Variants in FGF13 observed in about 807,000 individuals in gnomAD.
FGF13 encodes the protein fibroblast growth factor homologous factor 2.
FGF13 carries 2 observed loss-of-function variants against 19.5 expected under a neutral mutation model. That is an observed-to-expected ratio of 0.10 (90% confidence interval 0.04 to 0.32). The LOEUF is 0.32. Ranked by LOEUF, FGF13 falls within the 10% of genes least tolerant of loss-of-function variation. The pLI, the probability that FGF13 is intolerant of heterozygous loss-of-function variation, is 1.00. For missense variants in FGF13, 113 were observed against 192.7 expected, an observed-to-expected ratio of 0.59 and a Z score of 2.45; for synonymous variants, 72 against 76.9, an observed-to-expected ratio of 0.94 and a Z score of 0.33.
chrX:138,807,877 A>T (rs1340526138), intron 3 of FGF13, among the ~76,000 whole-genome samples: 2 of 112,334 alleles, frequency 1.8e-5, no homozygotes, highest in Non-Finnish European at 3.8e-5. Context: ...AATCAATTCA[A>T]CAAGAAGAGC....
At chrX:138,698,755 T>C (rs1412238068) in intron 3 of FGF13, among the ~76,000 whole-genome samples, 1 of 111,538 alleles carries the variant, frequency 9.0e-6, no homozygotes, top group Non-Finnish European at 1.9e-5. Flanking sequence ...CTGAGAATCA[T>C]TATCTGATTA....
At chrX:139,090,142 G>T (rs1231173693) in intron 1 of FGF13, among the ~76,000 whole-genome samples, 2 of 111,817 alleles carry the variant, frequency 1.8e-5, no homozygotes, top group African/African-American at 3.3e-5. Flanking sequence ...CTACATTTTT[G>T]AGCTATAATG....
chrX:138,625,483 T>TATATATATATACATATATATATAA lies in FGF13; in HGVS notation c.*7366_*7367insTTATATATATATGTATATATATAT, dbSNP rs2089051444. On this transcript the variant is annotated 3_prime_UTR_variant, in exon 5 of 5. Coordinates refer to ENST00000315930, the MANE Select transcript of FGF13 (RefSeq NM_004114.5). ...TTATATATATATACATATATATATA[T>TATATATATATACATATATATATAA]AATATATATATATACATATATATAT... 4 of 90,013 alleles carry TATATATATATACATATATATATAA rather than the reference T, an allele frequency of 4.4e-5. No individual in the cohort carries two copies. Among genetic ancestry groups the TATATATATATACATATATATATAA allele is most frequent in the African/African-American group, 2.0e-4 (4 of 19,725 alleles). The allele number at this position is 90,013 out of a possible 1,213,427, so 7.4% of individuals were successfully genotyped here.
At chrX:138,891,202 G>T (rs998936552) in intron 1 of FGF13, among the ~76,000 whole-genome samples, 1 of 111,685 alleles carries the variant, frequency 9.0e-6, no homozygotes, top group East Asian at 2.8e-4. Context: ...GGAGAATGCC[G>T]TGAACTCGGG....
chrX:138,798,590 C>T (rs1214568717), intron 3 of FGF13, among the ~76,000 whole-genome samples: 1 of 111,413 alleles, frequency 9.0e-6, no homozygotes, highest in Non-Finnish European at 1.9e-5. Flanking sequence ...AAAATGAGTT[C>T]GGGAGGAGTC....
chrX:138,778,931 A>C (rs759477955), intron 3 of FGF13, among the ~76,000 whole-genome samples: 2 of 112,379 alleles, frequency 1.8e-5, no homozygotes, highest in South Asian at 7.4e-4. Context: ...GACAGCTTTG[A>C]AGAGAGTAGT....
At chrX:139,198,076 A>G (rs2084388039) in intron 1 of FGF13, among the ~76,000 whole-genome samples, 1 of 109,554 alleles carries the variant, frequency 9.1e-6, no homozygotes, top group Non-Finnish European at 1.9e-5. Context: ...GCATGAAAGA[A>G]CTTTCTGGGG....
In FGF13 at chrX:138,711,035, G is replaced by A. The variant is rs1244183756; in HGVS notation, c.-32C>T. 1 of 1,204,681 alleles carries A rather than the reference G, an allele frequency of 8.3e-7. No individual in the cohort carries two copies. The highest frequency in any genetic ancestry group is 2.2e-5 in the Admixed American group (1 of 45,748). The stretch of plus-strand genomic sequence containing the variant: ...GACGCCCACCACCACCGCTTCTTTT[G>A]CTGCCCCTCTCTGGGTTCGCCTCCT... On this transcript the variant is annotated 5_prime_UTR_variant, in exon 1 of 5. Transcript: ENST00000315930.
intron 3 of FGF13, among the ~76,000 whole-genome samples, chrX:138,774,272 A>G (rs954569396): frequency 2.7e-5 from 3 of 112,061 alleles, no homozygotes; most frequent in Non-Finnish European, 5.6e-5. Context: ...AATAGAGGTG[A>G]TGATGGTAAT....
chrX:138,833,837 T>A (rs2091091966), intron 3 of FGF13, among the ~76,000 whole-genome samples: 1 of 112,031 alleles, frequency 8.9e-6, no homozygotes, highest in Non-Finnish European at 1.9e-5. Context: ...ATTCCTTTGA[T>A]ACCTAGGTTA....
Position 138,627,618 on chromosome X carries a change from TGTGTGTGTGC to T in FGF13, c.*5222_*5231del, listed in dbSNP as rs1208312581. 4 of 94,998 alleles carry T rather than the reference TGTGTGTGTGC, an allele frequency of 4.2e-5. No individual in the cohort carries two copies. Among genetic ancestry groups the T allele is most frequent in the African/African-American group, 1.7e-4 (4 of 23,624 alleles). 7.8% of individuals were successfully genotyped at this position (94,998 alleles called of 1,213,427 possible). Reference sequence around the variant, plus strand: ...GTGCCTGTGTGTGTGTGTGTGTGTGTGTGTGTGTGCGCGTGTGTGTGTGTGTGTGTGTGAA... The same window carrying T: ...GTGCCTGTGTGTGTGTGTGTGTGTGTGCGTGTGTGTGTGTGTGTGTGTGAA... On this transcript the variant is annotated 3_prime_UTR_variant, in exon 5 of 5. Transcript: ENST00000315930.
chrX:138,680,512 T>A (rs1488964898), intron 3 of FGF13, among the ~76,000 whole-genome samples: 3 of 111,858 alleles, frequency 2.7e-5, no homozygotes, highest in Non-Finnish European at 3.8e-5. Context: ...TCTTTGTACA[T>A]CTCCATTAGA....
At chrX:139,058,905 C>G (rs750756988) in intron 1 of FGF13, among the ~76,000 whole-genome samples, 15 of 111,356 alleles carry the variant, frequency 1.3e-4, no homozygotes, top group African/African-American at 4.9e-4. Context: ...GCCATGAGGT[C>G]CTGATTTGAT....
At chrX:139,054,155 C>G (rs1402894776) in intron 1 of FGF13, among the ~76,000 whole-genome samples, 1 of 81,184 alleles carries the variant, frequency 1.2e-5, no homozygotes, top group African/African-American at 5.0e-5. Flanking sequence ...GATGGAGTCT[C>G]GCTCTCGCCC....
At chrX:138,818,137 T>A (rs1392180078) in intron 3 of FGF13, among the ~76,000 whole-genome samples, 1 of 111,154 alleles carries the variant, frequency 9.0e-6, no homozygotes, top group Admixed American at 9.6e-5. Flanking sequence ...GAGTGTGTAG[T>A]TGAGCACAGG....
chrX:138,733,311 A>G (rs956095500), intron 1 of FGF13, among the ~76,000 whole-genome samples: 5 of 111,950 alleles, frequency 4.5e-5, no homozygotes. Flanking sequence ...AAATGTTTAA[A>G]GAATGTTTAA....
At chrX:139,077,013 G>C (rs2083337015) in intron 1 of FGF13, among the ~76,000 whole-genome samples, 1 of 112,088 alleles carries the variant, frequency 8.9e-6, no homozygotes, top group Non-Finnish European at 1.9e-5. Flanking sequence ...GATTTGAAGA[G>C]GTGGGTTTTG....
intron 1 of FGF13, among the ~76,000 whole-genome samples, chrX:139,184,790 A>C (rs1218022450): frequency 8.9e-6 from 1 of 112,389 alleles, no homozygotes; most frequent in Non-Finnish European, 1.9e-5. Flanking sequence ...TAAATGAAAA[A>C]TCTTTATTTT....
rs747708799 is a variant in FGF13, at chrX:139,117,991, C to T, written c.-113+85425G>A. 9.9e-4 allele frequency among the ~76,000 whole-genome samples: 111 copies of T among 111,830 alleles called. 1 individual carries two copies. The highest frequency in any genetic ancestry group is 4.6e-3 in the Middle Eastern group (1 of 217). ...CACAGTCCAGGTCCACTAGGGACTC[C>T]AAGGCTGGTAGGGGATGGAGTGGGT... is the stretch of plus-strand genomic sequence containing the variant. On this transcript the variant is annotated intron_variant, in intron 1 of 2. Transcript: ENST00000421460.
Sources: gnomAD v4.1 joint callset for allele counts (sites outside exome capture counted in the v4.1 genomes callset) on GRCh38, gnomAD v4.1.1 for gene constraint, MANE v1.5 for transcripts, NCBI Gene and HGNC (gene_info 2026-07-23, HGNC 2026-07-21) for gene names.